The following ST3GAL6 variants were observed in gnomAD, a reference collection of about 807,000 sequenced individuals.
The protein encoded by ST3GAL6 is ST3 beta-galactoside alpha-2,3-sialyltransferase 6, also known as type 2 lactosamine alpha-2,3-sialyltransferase.
ST3GAL6 carries 31 observed loss-of-function variants against 40.5 expected under a neutral mutation model. The ratio of observed to expected loss-of-function variants is 0.77; its 90% CI spans 0.58 to 1.03. ST3GAL6 has a LOEUF of 1.03. ST3GAL6 is among the 50% of genes least tolerant of loss of function. The probability of loss-of-function intolerance (pLI) is 0.00; values close to 1 mark genes in which losing one functional copy is unlikely to be tolerated. For synonymous variants in ST3GAL6, 129 were observed against 136.9 expected (o/e 0.94, Z 0.40); for missense variants, 357 against 393.2 (o/e 0.91, Z 0.78).
At chr3:98,750,059 A>G (rs192181577) in intron 1 of ST3GAL6, among the ~76,000 whole-genome samples, 7 of 152,256 alleles carry the variant, frequency 4.6e-5, no homozygotes, top group Admixed American at 3.9e-4. Context: ...CCGTTCAGAG[A>G]CACATGATTT....
chr3:98,781,708 G>A (rs139923390), intron 5 of ST3GAL6, among the ~76,000 whole-genome samples: 17 of 152,276 alleles, frequency 1.1e-4, no homozygotes, highest in Middle Eastern at 3.4e-3. Flanking sequence ...GGCTCAGGGC[G>A]AGGCAGCCCC....
intron 1 of ST3GAL6, among the ~76,000 whole-genome samples, chr3:98,735,891 A>G (rs1233163728): frequency 6.6e-6 from 1 of 152,208 alleles, no homozygotes; most frequent in African/African-American, 2.4e-5. Context: ...GGATAGCTGG[A>G]GTTCTTTCCC....
chr3:98,756,843 T>C (rs1937456834), intron 1 of ST3GAL6, among the ~76,000 whole-genome samples: 1 of 152,152 alleles, frequency 6.6e-6, no homozygotes, highest in South Asian at 2.1e-4. Flanking sequence ...AAGTGAGGAG[T>C]AAGAAAACTC....
chr3:98,784,254 T>C (rs1940468012), intron 5 of ST3GAL6, among the ~76,000 whole-genome samples: 1 of 152,228 alleles, frequency 6.6e-6, no homozygotes, highest in Non-Finnish European at 1.5e-5. Flanking sequence ...GGGAGAGAGA[T>C]GGACCAGCAA....
intron 5 of ST3GAL6, among the ~76,000 whole-genome samples, chr3:98,775,763 A>T (rs2107232375): frequency 6.6e-6 from 1 of 151,948 alleles, no homozygotes; most frequent in East Asian, 1.9e-4. Flanking sequence ...TCCTCCTGTC[A>T]CCAGAATCTC....
chr3:98,733,608 GTTTGGGCTGCTGTTAA>G, intron 1 of ST3GAL6: 1 of 985,316 alleles, frequency 1.0e-6, no homozygotes, highest in Non-Finnish European at 1.2e-6. Flanking sequence ...AAATTGCAGT[GTTTGGGCTGCTGTTAA>G]TTTTCAAGAT....
chr3:98,783,092 CTT>C (rs33936420), intron 5 of ST3GAL6: 3,718 of 167,554 alleles, frequency 0.022, 1 homozygote, highest in South Asian at 0.073. Context: ...AAGAGAAGGG[CTT>C]TTTTTTTTTT....
At chr3:98,733,129 G>A (rs1935189281) in intron 1 of ST3GAL6, 1 of 1,287,792 alleles carries the variant, frequency 7.8e-7, no homozygotes, top group East Asian at 3.1e-5. Context: ...TGGGGGTGGG[G>A]ACACGGAGCG....
rs972190306 is a variant in ST3GAL6, at chr3:98,795,750, C to T, written c.*1989C>T. ...AACCTGGATGATGGGATCATTCATA[C>T]CACAAACCTCAGTATCACACAATAT... On this transcript the variant is annotated 3_prime_UTR_variant, in exon 10 of 10. Coordinates refer to ENST00000483910, the MANE Select transcript of ST3GAL6 (RefSeq NM_001323368.2). The T allele has an allele frequency of 6.6e-6, 1 of 152,050 alleles. No homozygotes were observed. The highest frequency in any genetic ancestry group is 1.5e-5 in the Non-Finnish European group (1 of 68,010). The allele number at this position is 152,050 out of a possible 1,614,324, so 9.4% of individuals were successfully genotyped here.
intron 3 of ST3GAL6, among the ~76,000 whole-genome samples, chr3:98,771,454 T>G (rs767010820): frequency 1.3e-5 from 2 of 152,180 alleles, no homozygotes; most frequent in Non-Finnish European, 2.9e-5. Flanking sequence ...TGTAAAGAAT[T>G]TACTCTTCTA....
intron 1 of ST3GAL6, chr3:98,756,540 G>C: frequency 8.0e-7 from 1 of 1,250,428 alleles, no homozygotes; most frequent in South Asian, 1.3e-5. Context: ...TAAAAGTGCA[G>C]GTAAGCAAAG....
intron 1 of ST3GAL6, among the ~76,000 whole-genome samples, chr3:98,752,717 C>T (rs1016999844): frequency 6.6e-5 from 10 of 152,200 alleles, no homozygotes; most frequent in South Asian, 2.1e-4. Flanking sequence ...GTGATCTGCC[C>T]GCCTCGGCCT....
intron 1 of ST3GAL6, among the ~76,000 whole-genome samples, chr3:98,749,914 C>T (rs2196884): frequency 6.6e-6 from 1 of 152,150 alleles, no homozygotes. Flanking sequence ...AAACGAGTAC[C>T]TTCAAAGCTT....
chr3:98,756,554 A>G (rs1937433440), intron 1 of ST3GAL6: 1 of 1,236,056 alleles, frequency 8.1e-7, no homozygotes, highest in Non-Finnish European at 1.0e-6. Flanking sequence ...AGCAAAGGCA[A>G]CACCACCATT....
At chr3:98,772,711 AATG>A in intron 3 of ST3GAL6, 99 bp from the exon 4 acceptor site, 1 of 694,168 alleles carries the variant, frequency 1.4e-6, no homozygotes, top group Non-Finnish European at 2.5e-6. Context: ...TAGCCAGTAT[AATG>A]ATATGGATTA....
intron 1 of ST3GAL6, among the ~76,000 whole-genome samples, chr3:98,738,950 A>G (rs1040207510): frequency 5.9e-5 from 9 of 152,234 alleles, no homozygotes; most frequent in Admixed American, 4.6e-4. Flanking sequence ...ACACAAATGG[A>G]TATAAAACAA....
At chr3:98,779,485 G>T (rs1222752571) in intron 5 of ST3GAL6, among the ~76,000 whole-genome samples, 1 of 152,180 alleles carries the variant, frequency 6.6e-6, no homozygotes, top group Non-Finnish European at 1.5e-5. Flanking sequence ...GTACATGATG[G>T]TATTGAAGGG....
chr3:98,759,393 G>A (rs1012719412), upstream of ST3GAL6, among the ~76,000 whole-genome samples: 3 of 152,268 alleles, frequency 2.0e-5, no homozygotes, highest in Admixed American at 6.5e-5. Flanking sequence ...ACTGAAAACC[G>A]TAGAGATCAG....
chr3:98,763,182 A>G, upstream of ST3GAL6: 1 of 1,199,612 alleles, frequency 8.3e-7, no homozygotes, highest in Non-Finnish European at 1.1e-6. Flanking sequence ...AAATCTAGAC[A>G]TTAATGCATG....
Sources: gnomAD v4.1 joint callset for allele counts (sites outside exome capture counted in the v4.1 genomes callset) on GRCh38, gnomAD v4.1.1 for gene constraint, MANE v1.5 for transcripts, NCBI Gene and HGNC (gene_info 2026-07-23, HGNC 2026-07-21) for gene names.